Variants in RBM46 observed in about 807,000 individuals in gnomAD.
RBM46 encodes probable RNA-binding protein 46.
In RBM46, 12 loss-of-function variants were observed where a neutral mutation model predicts 43.3. The observed-to-expected ratio is 0.28, with a 90% CI of 0.18 to 0.45. The LOEUF (loss-of-function observed/expected upper bound fraction) is 0.45. Among genes scored for constraint, RBM46 ranks in the 20% least tolerant of loss-of-function variants. The pLI is 1.00. For synonymous variants in RBM46, 205 were observed against 207.6 expected (o/e 0.99, Z 0.11); for missense variants, 412 against 639.1 (o/e 0.64, Z 3.83).
At chr4:154,794,733 C>T (rs1428673115) in intron 1 of RBM46, among the ~76,000 whole-genome samples, 1 of 152,122 alleles carries the variant, frequency 6.6e-6, no homozygotes, top group Non-Finnish European at 1.5e-5. Context: ...TGGGTAGGCT[C>T]CTTAATTCTT....
At chr4:154,798,713 T>C in intron 3 of RBM46, 69 bp from the exon 4 acceptor site, 1 of 1,217,374 alleles carries the variant, frequency 8.2e-7, no homozygotes, top group Non-Finnish European at 1.1e-6. Flanking sequence ...GGGGAAACAG[T>C]TTTACTGAAC....
intron 1 of RBM46, among the ~76,000 whole-genome samples, chr4:154,782,761 G>T (rs772996263): frequency 1.2e-4 from 18 of 152,178 alleles, no homozygotes; most frequent in Non-Finnish European, 7.3e-5. Flanking sequence ...GATTACAGGC[G>T]TGAGCCATCG....
intron 1 of RBM46, chr4:154,790,625 A>G (rs1734037975): frequency 6.6e-6 from 1 of 152,222 alleles, no homozygotes; most frequent in Non-Finnish European, 1.5e-5. Context: ...ATGATATTAC[A>G]ATTATGAAAC....
chr4:154,792,625 A>G (rs990825744), intron 1 of RBM46, among the ~76,000 whole-genome samples: 12 of 152,166 alleles, frequency 7.9e-5, no homozygotes, highest in Admixed American at 7.2e-4. Context: ...ATTCTGTGAT[A>G]TAAGTACATA....
chr4:154,804,744 C>T (rs573578691), intron 4 of RBM46, among the ~76,000 whole-genome samples: 1 of 150,724 alleles, frequency 6.6e-6, no homozygotes, highest in South Asian at 2.1e-4. Flanking sequence ...GAACCTGTCA[C>T]TAACATGTGC....
In RBM46 at chr4:154,801,395, A is replaced by T. The variant is rs558768362; in HGVS notation, c.1402+1831A>T. On this transcript the variant is annotated intron_variant, in intron 4 of 4. Transcript: ENST00000281722. ...GGATTTAGCATCATTGAAGCTAATA[A>T]ATTCTTAGTTCTTATTTCTATTGAT... is the stretch of plus-strand genomic sequence containing the variant. 3.3e-5 allele frequency among the ~76,000 whole-genome samples: 5 copies of T among 152,278 alleles called. No homozygotes were observed. In the East Asian group the frequency reaches 9.6e-4, roughly 29 times the overall value.
At chr4:154,827,616 T>A (rs1366371983) in intron 4 of RBM46, 41 of 1,244,258 alleles carry the variant, frequency 3.3e-5, no homozygotes, top group Non-Finnish European at 3.8e-5. Flanking sequence ...AAATAGTAGA[T>A]ATCCAAGAAT....
intron 1 of RBM46, among the ~76,000 whole-genome samples, chr4:154,791,082 A>G (rs1456647984): frequency 6.6e-6 from 1 of 152,230 alleles, no homozygotes; most frequent in East Asian, 1.9e-4. Context: ...CATATAAGAA[A>G]CAGTTAAGTA....
At chr4:154,807,991 A>G (rs1367001181) in intron 4 of RBM46, among the ~76,000 whole-genome samples, 1 of 151,978 alleles carries the variant, frequency 6.6e-6, no homozygotes, top group Non-Finnish European at 1.5e-5. Context: ...GTTTGCCTAT[A>G]CATTGCTTTG....
intron 4 of RBM46, among the ~76,000 whole-genome samples, chr4:154,813,025 G>C (rs889939195): frequency 1.3e-5 from 2 of 152,016 alleles, no homozygotes; most frequent in African/African-American, 4.8e-5. Flanking sequence ...TGGACTGTAT[G>C]ATTTGTTGTT....
intron 1 of RBM46, among the ~76,000 whole-genome samples, chr4:154,786,231 C>T (rs1368162930): frequency 2.0e-5 from 3 of 152,008 alleles, no homozygotes; most frequent in East Asian, 1.9e-4. Flanking sequence ...GGATTACAGG[C>T]GCATGCCACC....
At chr4:154,791,552 ATCT>A (rs1252601329) in intron 1 of RBM46, among the ~76,000 whole-genome samples, 4 of 152,198 alleles carry the variant, frequency 2.6e-5, no homozygotes, top group African/African-American at 9.6e-5. Flanking sequence ...GAAGTGAATC[ATCT>A]TTCAAATGCA....
rs529528439 is a variant in RBM46 at position 154,795,472 on chromosome 4, T to TA, written c.-11-1263dup. 3.3e-3 allele frequency among the ~76,000 whole-genome samples: 499 copies of TA among 152,278 alleles called. 1 individual carries two copies. The highest frequency in any genetic ancestry group is 0.011 in the African/African-American group (466 of 41,560). ...TGCCTTCTAAAGTATTTTTATGTAG[T>TA]AAAAAAATCTATTAATGTATTTTTT... is the stretch of plus-strand genomic sequence containing the variant. On this transcript the variant is annotated intron_variant, in intron 1 of 4. Transcript: ENST00000281722.
rs555358649 is a variant in RBM46, at chr4:154,812,736, C to T, written c.1402+13172C>T. On this transcript the variant is annotated intron_variant, in intron 4 of 4. Transcript: ENST00000281722. ...CAAATACTCTGAACTCCACATTCTC[C>T]TGTTCAGAATGCTGTACTGTTTGGC... Among the ~76,000 whole-genome samples, 3 of 152,288 alleles carry T rather than the reference C, an allele frequency of 2.0e-5. No individual in the cohort carries two copies. In the East Asian group the frequency reaches 5.8e-4, roughly 29 times the overall value.
intron 4 of RBM46, among the ~76,000 whole-genome samples, chr4:154,820,719 C>A (rs1300026327): frequency 6.6e-6 from 1 of 151,580 alleles, no homozygotes; most frequent in Non-Finnish European, 1.5e-5. Flanking sequence ...TATAGATTAT[C>A]CAAGTATTTC....
In RBM46 at chr4:154,799,289, C is replaced by T; in HGVS notation, c.1127C>T (p.Thr376Ile). Reference protein sequence around the residue: ...ERCTYPFYPGTKLTPISMYSL... With the variant: ...ERCTYPFYPGIKLTPISMYSL... ...TGCACTTACCCTTTTTATCCTGGAA[C>T]AAAGCTTACTCCAATTAGTATGTAT... Residue 376 changes from threonine (T) to isoleucine (I), a missense_variant, in exon 4 of 5, where the codon ACA becomes ATA. Thr to Ile is a moderately conservative substitution (Grantham distance 89). Around this residue, in one of 8 missense-constraint regions of RBM46, gnomAD observed 105 missense variants for 111.0 expected, o/e 0.95. Coordinates refer to ENST00000281722, the MANE Select transcript of RBM46 (RefSeq NM_144979.5). 6.2e-7 allele frequency: 1 copy of T among 1,614,192 alleles called. No homozygotes were observed.
intron 4 of RBM46, chr4:154,820,381 T>G: frequency 6.6e-7 from 1 of 1,526,632 alleles, no homozygotes; most frequent in Non-Finnish European, 8.8e-7. Context: ...CACAATCTCT[T>G]CAGCCTGGAC....
Position 154,828,797 on chromosome 4 carries a change from A to AATATGTGAT in RBM46, c.*731_*739dup, listed in dbSNP as rs1482267849. On this transcript the variant is annotated 3_prime_UTR_variant, in exon 5 of 5. Transcript: ENST00000281722. ...CTTGAATTCAAATTTTTTGACATTA[A>AATATGTGAT]ATATGTGATGCTTCTATTATGTGTT... 1 of 152,506 alleles carries AATATGTGAT rather than the reference A, an allele frequency of 6.6e-6. No homozygotes were observed. The highest frequency in any genetic ancestry group is 1.5e-5 in the Non-Finnish European group (1 of 68,022). The allele number at this position is 152,506 out of a possible 1,614,324, so 9.4% of individuals were successfully genotyped here. A position where few individuals can be genotyped will look rare whatever the true frequency, so the allele number is the denominator to read the frequency against.
intron 4 of RBM46, among the ~76,000 whole-genome samples, chr4:154,800,937 T>C (rs1052406863): frequency 6.6e-6 from 1 of 152,116 alleles, no homozygotes; most frequent in Non-Finnish European, 1.5e-5. Context: ...GGCTTGCTTT[T>C]ATATATTGTT....
Sources: gnomAD v4.1 joint callset for allele counts (sites outside exome capture counted in the v4.1 genomes callset) on GRCh38, gnomAD v4.1.1 for gene constraint, gnomAD v4.1.1 regional missense constraint, MANE v1.5 for transcripts, NCBI Gene and HGNC (gene_info 2026-07-23, HGNC 2026-07-21) for gene names.